CCDC150: variants seen among roughly 807,000 people sequenced by gnomAD.
CCDC150 encodes coiled-coil domain-containing protein 150.
CCDC150 carries 151 observed loss-of-function variants against 156.5 expected under a neutral mutation model. The observed-to-expected ratio is 0.97, with a 90% CI of 0.85 to 1.10. The LOEUF is 1.10. CCDC150 is among the 50% of genes least tolerant of loss of function. The pLI is 0.00. For missense variants in CCDC150, 1,312 were observed against 1,268.1 expected, an observed-to-expected ratio of 1.03 and a Z score of -0.53; for synonymous variants, 452 against 429.4, an observed-to-expected ratio of 1.05 and a Z score of -0.65.
chr2:196,671,426 TC>T (rs1694195114), intron 8 of CCDC150, among the ~76,000 whole-genome samples: 1 of 104,456 alleles, frequency 9.6e-6, no homozygotes, highest in Non-Finnish European at 2.2e-5. Context: ...CTTTTCTCTC[TC>T]TTTTTTTTTT....
chr2:196,677,284 C>T lies in CCDC150; in HGVS notation c.1441-9C>T, dbSNP rs1694568472. On this transcript the variant is annotated splice_polypyrimidine_tract_variant and intron_variant, in intron 12 of 27. Transcript: ENST00000389175. ...CCTATTCCTTTTTTTTCCCATCCTC[C>T]TTGGGCAGGTTAATAAAACAGAAAA... 1 of 1,559,186 alleles carries T rather than the reference C, an allele frequency of 6.4e-7. No homozygotes were observed. Among genetic ancestry groups the T allele is most frequent in the African/African-American group, 1.4e-5 (1 of 73,536 alleles).
chr2:196,665,606 T>C lies in CCDC150; in HGVS notation c.685T>C (p.Ser229Pro). ...GGCTCAGGAGAAGTACCTTAGGGAA[T>C]CTTTAGAGAAATCAGCATCAGCCAT... ...QLAQEKYLRE[S>P]LEKSASAMLL... Residue 229 changes from serine (S) to proline (P), a missense_variant, in exon 6 of 28, where the codon TCT (serine) becomes CCT (proline). Ser to Pro is a moderately conservative substitution (Grantham distance 74). Transcript: ENST00000389175. 6.2e-7 allele frequency: 1 copy of C among 1,606,088 alleles called. No individual in the cohort carries two copies. The highest frequency in any genetic ancestry group is 8.5e-7 in the Non-Finnish European group (1 of 1,176,488).
chr2:196,654,859 G>A (rs1328218899), intron 2 of CCDC150, among the ~76,000 whole-genome samples: 1 of 152,012 alleles, frequency 6.6e-6, no homozygotes, highest in East Asian at 1.9e-4. Context: ...TGTCAAACTG[G>A]CCCTCATGTA....
At chr2:196,693,250 C>T (rs530173954) in intron 13 of CCDC150, among the ~76,000 whole-genome samples, 15 of 152,048 alleles carry the variant, frequency 9.9e-5, no homozygotes, top group African/African-American at 2.9e-4. Flanking sequence ...GTATGTGGTC[C>T]GTCATTGACT....
rs964577148 is a variant in CCDC150, at chr2:196,641,365, T to TA, written c.12+1588dup. Reference sequence around the variant, plus strand: ...TCTCCAGCCAAACCCACCTCTTTATTATGTGCGGACTCATCAGACCTTCTA... The same window carrying TA: ...TCTCCAGCCAAACCCACCTCTTTATTAATGTGCGGACTCATCAGACCTTCTA... On this transcript the variant is annotated intron_variant, in intron 1 of 27. Coordinates refer to ENST00000389175, the MANE Select transcript of CCDC150 (RefSeq NM_001080539.2). 1.9e-4 allele frequency among the ~76,000 whole-genome samples: 29 copies of TA among 152,114 alleles called. 1 individual carries two copies. The highest frequency in any genetic ancestry group is 2.5e-4 in the Non-Finnish European group (17 of 68,018).
chr2:196,715,474 C>T (rs889491059), intron 17 of CCDC150, among the ~76,000 whole-genome samples: 7 of 152,094 alleles, frequency 4.6e-5, no homozygotes, highest in Non-Finnish European at 7.4e-5. Context: ...AAACTGGCAA[C>T]ATTATTTTTG....
In CCDC150 at chr2:196,712,141, C is replaced by A; in HGVS notation, c.1696-4C>A. ...TTTTTTTTGTATTTTTGTTTTTCCT[C>A]TAGATAAAAGTTAAACAGCTAGAAG... On this transcript the variant is annotated splice_polypyrimidine_tract_variant and splice_region_variant and intron_variant, in intron 15 of 27. Coordinates refer to ENST00000389175, the MANE Select transcript of CCDC150 (RefSeq NM_001080539.2). 1 of 1,445,946 alleles carries A rather than the reference C, an allele frequency of 6.9e-7. No homozygotes were observed. Among genetic ancestry groups the A allele is most frequent in the Admixed American group, 2.2e-5 (1 of 44,482 alleles). 89.6% of individuals were successfully genotyped at this position (1,445,946 alleles called of 1,614,324 possible). A position where few individuals can be genotyped will look rare whatever the true frequency, so the allele number is the denominator to read the frequency against.
chr2:196,684,857 C>G (rs1695035981), intron 13 of CCDC150, among the ~76,000 whole-genome samples: 1 of 152,032 alleles, frequency 6.6e-6, no homozygotes, highest in Non-Finnish European at 1.5e-5. Context: ...TACAATCATT[C>G]TAGCTCTTTT....
intron 2 of CCDC150, among the ~76,000 whole-genome samples, chr2:196,647,809 T>C (rs527714771): frequency 3.3e-5 from 5 of 152,302 alleles, no homozygotes; most frequent in Admixed American, 1.3e-4. Context: ...TACGTTATTA[T>C]TAATTATAGT....
chr2:196,716,905 G>C lies in CCDC150; in HGVS notation c.1867-1598G>C, dbSNP rs1311505045. 2.1e-5 allele frequency among the ~76,000 whole-genome samples: 3 copies of C among 141,940 alleles called. No homozygotes were observed. In the East Asian group the frequency reaches 6.0e-4, roughly 28 times the overall value. The allele number at this position is 141,940 out of a possible 152,430, so 93.1% of individuals were successfully genotyped here. On this transcript the variant is annotated intron_variant, in intron 17 of 27. Coordinates refer to ENST00000389175, the MANE Select transcript of CCDC150 (RefSeq NM_001080539.2). ...AGAGTCTCGCTGTGTCGCCAGGCTG[G>C]AGTACAGTGGCGCCATCTTGGCTTG... is the stretch of plus-strand genomic sequence containing the variant.
At chr2:196,729,086 T>C (rs1421888421) in intron 22 of CCDC150, 107 bp from the exon 23 acceptor site, 3 of 999,054 alleles carry the variant, frequency 3.0e-6, no homozygotes, top group South Asian at 3.5e-5. Flanking sequence ...TCACTAACTC[T>C]CCTTTTTAAA....
At chr2:196,695,180 C>A in intron 14 of CCDC150, 21 bp downstream of exon 14, 1 of 1,322,728 alleles carries the variant, frequency 7.6e-7, no homozygotes, top group South Asian at 1.2e-5. Context: ...AAAGATCAGT[C>A]TAAATAGCAA....
At chr2:196,725,862 C>T in intron 21 of CCDC150, 111 bp from the exon 22 acceptor site, 1 of 983,464 alleles carries the variant, frequency 1.0e-6, no homozygotes. Context: ...TGATAGGCTG[C>T]TTGTTTATAA....
chr2:196,725,871 A>G (rs1575975186), intron 21 of CCDC150, 102 bp from the exon 22 acceptor site: 7 of 1,099,354 alleles, frequency 6.4e-6, no homozygotes, highest in Non-Finnish European at 8.9e-6. Context: ...GCTTGTTTAT[A>G]AATCACACAC....
At chr2:196,722,997 T>C (rs927790044) in intron 21 of CCDC150, among the ~76,000 whole-genome samples, 8 of 152,212 alleles carry the variant, frequency 5.3e-5, no homozygotes, top group African/African-American at 1.9e-4. Flanking sequence ...ATAGTTTGTA[T>C]TTTCATCAAA....
chr2:196,663,697 A>C (rs1485284950), intron 5 of CCDC150, among the ~76,000 whole-genome samples: 2 of 152,152 alleles, frequency 1.3e-5, no homozygotes, highest in African/African-American at 4.8e-5. Context: ...AAAATGAGCA[A>C]TCTTGTAACA....
intron 13 of CCDC150, among the ~76,000 whole-genome samples, chr2:196,683,799 A>C (rs1036762541): frequency 2.0e-5 from 3 of 152,026 alleles, no homozygotes; most frequent in African/African-American, 7.2e-5. Flanking sequence ...TTGTTAGCAT[A>C]CTATTTTCAG....
Position 196,674,306 on chromosome 2 carries a change from G to T in CCDC150, c.1095G>T (p.Met365Ile). ...GCTGCATGCTTCAGACTGTTACTATGGAAAAAGCCAGAATCATTGCTGACC... is the reference window on the plus strand; with the variant it reads ...GCTGCATGCTTCAGACTGTTACTATTGAAAAAGCCAGAATCATTGCTGACC... ...ELSCMLQTVT[M>I]EKARIIADHQ... Residue 365 changes from methionine to isoleucine, a missense_variant, in exon 10 of 28, where the codon ATG becomes ATT. Physicochemically the swap from Met to Ile is conservative, Grantham distance 10. Coordinates refer to ENST00000389175, the MANE Select transcript of CCDC150 (RefSeq NM_001080539.2). The T allele has an allele frequency of 6.2e-7, 1 of 1,604,112 alleles. No homozygotes were observed. The highest frequency in any genetic ancestry group is 8.5e-7 in the Non-Finnish European group (1 of 1,174,962).
chr2:196,723,228 T>C (rs1317916298), intron 21 of CCDC150, among the ~76,000 whole-genome samples: 2 of 151,984 alleles, frequency 1.3e-5, no homozygotes, highest in East Asian at 1.9e-4. Context: ...AAACGCCGGG[T>C]GCGGTGGCTC....
Sources: allele counts gnomAD v4.1 joint callset (sites outside exome capture counted in the v4.1 genomes callset), GRCh38; gene constraint gnomAD v4.1.1; transcripts MANE v1.5; gene names NCBI Gene and HGNC (gene_info 2026-07-23, HGNC 2026-07-21).